The following B3GLCT variants were observed in gnomAD, a reference collection of about 807,000 sequenced individuals.
B3GLCT encodes the protein beta-1,3-glucosyltransferase.
In B3GLCT, 65 loss-of-function variants were observed where a neutral mutation model predicts 63.4. The ratio of observed to expected loss-of-function variants is 1.03; its 90% confidence interval spans 0.84 to 1.26. B3GLCT has a LOEUF of 1.26. Among genes scored for constraint, B3GLCT ranks in the 50% most tolerant of loss-of-function variants. The pLI, the probability that B3GLCT is intolerant of heterozygous loss-of-function variation, is 0.00. For synonymous variants in B3GLCT, 233 were observed against 219.2 expected (o/e 1.06, Z -0.55); for missense variants, 577 against 604.8 (o/e 0.95, Z 0.48).
In B3GLCT at chr13:31,329,575, C is replaced by T. The variant is rs372748811; in HGVS notation, c.1404C>T (p.Ile468=). ...TATCGTTCCACAAACACTGGAACAT[C>T]GATCCAGTGAAGGTGTATTTCACAT... ...VPISFHKHWN[I]DPVKVYFTWL... Residue 468 remains isoleucine (I), a synonymous_variant, in exon 15 of 15, where the codon ATC becomes ATT. Transcript: ENST00000343307. 5.8e-5 allele frequency: 94 copies of T among 1,613,952 alleles called. No homozygotes were observed. The highest frequency in any genetic ancestry group is 3.3e-4 in the African/African-American group (25 of 75,060).
intron 6 of B3GLCT, among the ~76,000 whole-genome samples, chr13:31,252,264 A>G (rs1397293953): frequency 6.6e-6 from 1 of 152,234 alleles, no homozygotes; most frequent in South Asian, 2.1e-4. Context: ...CTGCCAAAAC[A>G]TACCAAATTG....
At chr13:31,254,973 G>A (rs1342657255) in intron 6 of B3GLCT, among the ~76,000 whole-genome samples, 1 of 149,790 alleles carries the variant, frequency 6.7e-6, no homozygotes, top group Non-Finnish European at 1.5e-5. Flanking sequence ...GGAGGCGGAG[G>A]TTGCAGTGAG....
chr13:31,234,394 A>G (rs1870538547), intron 4 of B3GLCT, among the ~76,000 whole-genome samples: 1 of 152,132 alleles, frequency 6.6e-6, no homozygotes. Flanking sequence ...GGCCCCTACC[A>G]TGGTGAAGTG....
chr13:31,282,870 C>T (rs150090791), intron 10 of B3GLCT, among the ~76,000 whole-genome samples: 5 of 152,138 alleles, frequency 3.3e-5, no homozygotes, highest in African/African-American at 7.2e-5. Flanking sequence ...TATTGAAATG[C>T]CTACAAAATT....
intron 11 of B3GLCT, 72 bp from the exon 12 acceptor site, chr13:31,286,648 A>G: frequency 8.9e-7 from 1 of 1,124,776 alleles, no homozygotes; most frequent in Non-Finnish European, 1.3e-6. Flanking sequence ...TTCAAAACTA[A>G]AAAGAAATGA....
At chr13:31,261,900 G>T (rs1409509414) in intron 7 of B3GLCT, among the ~76,000 whole-genome samples, 1 of 152,190 alleles carries the variant, frequency 6.6e-6, no homozygotes, top group Non-Finnish European at 1.5e-5. Flanking sequence ...GTTCTCTACA[G>T]TGTGATACCC....
intron 13 of B3GLCT, among the ~76,000 whole-genome samples, chr13:31,320,889 T>A (rs1732635252): frequency 6.6e-6 from 1 of 152,220 alleles, no homozygotes; most frequent in African/African-American, 2.4e-5. Flanking sequence ...TCTTTTGGAC[T>A]CACCATAGCT....
At chr13:31,204,759 C>T (rs2137727636) in intron 1 of B3GLCT, among the ~76,000 whole-genome samples, 1 of 152,154 alleles carries the variant, frequency 6.6e-6, no homozygotes, top group East Asian at 1.9e-4. Context: ...TGTGAGGAGG[C>T]TGCTGGACAC....
intron 12 of B3GLCT, among the ~76,000 whole-genome samples, chr13:31,293,769 G>C (rs979249038): frequency 6.6e-6 from 1 of 152,108 alleles, no homozygotes; most frequent in African/African-American, 2.4e-5. Flanking sequence ...CAATTTGCCA[G>C]TCTGTGTCTT....
chr13:31,324,129 C>T (rs1343429471), intron 14 of B3GLCT, among the ~76,000 whole-genome samples: 4 of 152,160 alleles, frequency 2.6e-5, no homozygotes, highest in Non-Finnish European at 5.9e-5. Context: ...GGCGTTTGAC[C>T]AGGATCCTCG....
intron 14 of B3GLCT, among the ~76,000 whole-genome samples, chr13:31,326,275 CTTTTTTTTTTT>C (rs11415456): frequency 4.0e-5 from 3 of 75,912 alleles, no homozygotes; most frequent in Non-Finnish European, 4.6e-5. Context: ...AGGTCTTTCC[CTTTTTTTTTTT>C]TTTTTTTTTT....
Position 31,213,621 on chromosome 13 carries a change from ACCC to A in B3GLCT, c.71-1420_71-1418del, listed in dbSNP as rs71099943. On this transcript the variant is annotated intron_variant, in intron 1 of 14. Coordinates refer to ENST00000343307, the MANE Select transcript of B3GLCT (RefSeq NM_194318.4). ...AAACAAAACAACACCCCCCCACCCC[ACCC>A]CCCCCCCCCGCCAAAACTCACTATA... Among the ~76,000 whole-genome samples the A allele has an allele frequency of 3.3e-3, 183 of 55,044 alleles. 1 individual carries two copies. Among genetic ancestry groups the A allele is most frequent in the African/African-American group, 0.011 (151 of 13,138 alleles). The allele number at this position is 55,044 out of a possible 152,430, so 36.1% of individuals were successfully genotyped here.
At chr13:31,257,958 G>A (rs1871822449) in intron 6 of B3GLCT, among the ~76,000 whole-genome samples, 1 of 152,136 alleles carries the variant, frequency 6.6e-6, no homozygotes, top group Non-Finnish European at 1.5e-5. Flanking sequence ...CTTGTTTCAG[G>A]GGAGATAAGC....
chr13:31,251,785 A>G (rs1871438920), intron 6 of B3GLCT, among the ~76,000 whole-genome samples: 1 of 152,238 alleles, frequency 6.6e-6, no homozygotes, highest in African/African-American at 2.4e-5. Flanking sequence ...CCAAGTTGGA[A>G]AACACTCTTC....
chr13:31,216,203 G>T (rs1014837699), intron 2 of B3GLCT, among the ~76,000 whole-genome samples: 2 of 152,244 alleles, frequency 1.3e-5, no homozygotes, highest in South Asian at 4.2e-4. Flanking sequence ...TTCTTACACA[G>T]GGGAAATGAT....
intron 12 of B3GLCT, among the ~76,000 whole-genome samples, chr13:31,309,637 A>G (rs973751543): frequency 6.6e-6 from 1 of 152,206 alleles, no homozygotes; most frequent in African/African-American, 2.4e-5. Flanking sequence ...AGATGAAGAG[A>G]TGTGTAGGGC....
intron 6 of B3GLCT, among the ~76,000 whole-genome samples, chr13:31,252,721 T>C (rs1422225625): frequency 1.4e-5 from 2 of 141,626 alleles, no homozygotes; most frequent in African/African-American, 5.3e-5. Flanking sequence ...TAAAGCAAGC[T>C]CTTAGAGACC....
At chr13:31,224,558 A>G (rs1869993780) in intron 3 of B3GLCT, among the ~76,000 whole-genome samples, 2 of 152,272 alleles carry the variant, frequency 1.3e-5, no homozygotes, top group South Asian at 2.1e-4. Flanking sequence ...TGCAGTGACA[A>G]CAGTAGATTC....
chr13:31,200,043 CT>C lies in B3GLCT; in HGVS notation c.-40del. 1 of 1,288,134 alleles carries C rather than the reference CT, an allele frequency of 7.8e-7. No individual in the cohort carries two copies. The highest frequency in any genetic ancestry group is 1.0e-6 in the Non-Finnish European group (1 of 999,290). The allele number at this position is 1,288,134 out of a possible 1,614,324, so 79.8% of individuals were successfully genotyped here. A position where few individuals can be genotyped will look rare whatever the true frequency, so the allele number is the denominator to read the frequency against. On this transcript the variant is annotated 5_prime_UTR_variant, in exon 1 of 15. Coordinates refer to ENST00000343307, the MANE Select transcript of B3GLCT (RefSeq NM_194318.4). The stretch of plus-strand genomic sequence containing the variant: ...GCAGCTCCGCTCCCCGCGCGTCTCC[CT>C]TCCCCGCGCCCAGGTAGGGCGCTCA...
Sources: gnomAD v4.1 joint callset for allele counts (sites outside exome capture counted in the v4.1 genomes callset) on GRCh38, gnomAD v4.1.1 for gene constraint, MANE v1.5 for transcripts, NCBI Gene and HGNC (gene_info 2026-07-23, HGNC 2026-07-21) for gene names.